RAD9B: variants seen among roughly 807,000 people sequenced by gnomAD.
RAD9B encodes the protein cell cycle checkpoint control protein RAD9B.
RAD9B carries 41 observed loss-of-function variants against 48.3 expected under a neutral mutation model. The ratio of observed to expected loss-of-function variants is 0.85; its 90% CI spans 0.66 to 1.10. The LOEUF (loss-of-function observed/expected upper bound fraction) is 1.10, where lower values mean the gene tolerates loss of function less well. Among genes scored for constraint, RAD9B ranks in the 50% least tolerant of loss-of-function variants. The pLI is 0.00. For missense variants in RAD9B, 444 were observed against 485.1 expected (o/e 0.92, Z 0.80); for synonymous variants, 160 against 157.9 (o/e 1.01, Z -0.10).
chr12:110,503,326 T>A (rs1035710537), intron 1 of RAD9B: 4 of 158,948 alleles, frequency 2.5e-5, no homozygotes, highest in Admixed American at 2.4e-4. Flanking sequence ...AAATGTGTTC[T>A]GTGGTGGGGA....
At chr12:110,520,012 GA>G (rs2063726888) in intron 9 of RAD9B, 96 bp downstream of exon 9, 1 of 1,363,712 alleles carries the variant, frequency 7.3e-7, no homozygotes. Flanking sequence ...AACAATTGAG[GA>G]GTGAAATATT....
chr12:110,521,962 T>C (rs2063799681), intron 9 of RAD9B, among the ~76,000 whole-genome samples: 2 of 152,218 alleles, frequency 1.3e-5, no homozygotes, highest in South Asian at 4.1e-4. Flanking sequence ...CAAGATATTC[T>C]ATGCACAATG....
intron 6 of RAD9B, 94 bp from the exon 7 acceptor site, chr12:110,518,582 G>A: frequency 2.7e-6 from 2 of 736,946 alleles, no homozygotes; most frequent in Non-Finnish European, 4.4e-6. Context: ...AGGAGGAAAT[G>A]GGATGGGATT....
chr12:110,513,787 G>T (rs2063533120), intron 5 of RAD9B, among the ~76,000 whole-genome samples: 1 of 151,062 alleles, frequency 6.6e-6, no homozygotes, highest in African/African-American at 2.4e-5. Flanking sequence ...GCAGTGATGT[G>T]ATCTTGGCTC....
At chr12:110,509,577 G>C (rs2063399765) in intron 4 of RAD9B, among the ~76,000 whole-genome samples, 1 of 152,174 alleles carries the variant, frequency 6.6e-6, no homozygotes, top group African/African-American at 2.4e-5. Context: ...CCCAGCCTGG[G>C]ATGGCAGTCT....
intron 4 of RAD9B, among the ~76,000 whole-genome samples, chr12:110,511,828 C>G (rs2063468063): frequency 6.6e-6 from 1 of 152,142 alleles, no homozygotes; most frequent in African/African-American, 2.4e-5. Context: ...AACAAAATAT[C>G]TGTCACATGT....
rs756067932 is a variant in RAD9B, at chr12:110,505,674, C to T, written c.175C>T (p.Pro59Ser). Residue 59 changes from proline to serine, a missense_variant, in exon 3 of 11, where the codon CCT (proline) becomes TCT (serine). Coordinates refer to ENST00000409300, the MANE Select transcript of RAD9B (RefSeq NM_001286535.2). ...AGCATATGGATGTGTCCTGTTCTCT[C>T]CTGTGTTTTTTCAGCATTATCAATG... ...RSAYGCVLFS[P>S]VFFQHYQWSA... 2 of 1,590,362 alleles carry T rather than the reference C, an allele frequency of 1.3e-6. No homozygotes were observed. Among genetic ancestry groups the T allele is most frequent in the African/African-American group, 2.7e-5 (2 of 74,502 alleles).
intron 4 of RAD9B, among the ~76,000 whole-genome samples, chr12:110,510,473 A>G (rs1384481444): frequency 6.6e-6 from 1 of 152,140 alleles, no homozygotes; most frequent in East Asian, 1.9e-4. Flanking sequence ...GTGAGTTCCG[A>G]GCTGAGTCCT....
chr12:110,522,546 G>A, intron 10 of RAD9B, 135 bp downstream of exon 10: 3 of 655,110 alleles, frequency 4.6e-6, no homozygotes, highest in Non-Finnish European at 5.3e-6. Flanking sequence ...GAAAAGTGAA[G>A]CTAGTCTGAA....
Position 110,505,699 on chromosome 12 carries a change from G to A in RAD9B, c.200G>A (p.Trp67Ter), listed in dbSNP as rs1172657200. The A allele has an allele frequency of 6.2e-7, 1 of 1,604,710 alleles. No individual in the cohort carries two copies. The highest frequency in any genetic ancestry group is 1.3e-5 in the African/African-American group (1 of 74,882). Residue 67 changes from tryptophan (W) to a stop codon, truncating the protein, a stop_gained, in exon 3 of 11, where the codon TGG becomes TAG. Transcript: ENST00000409300. LOFTEE classifies it high-confidence loss of function. Reference sequence around the variant, plus strand: ...CCTGTGTTTTTTCAGCATTATCAATGGTCAGCTTTAGTGAAAATGAGTGAA... The same window carrying A: ...CCTGTGTTTTTTCAGCATTATCAATAGTCAGCTTTAGTGAAAATGAGTGAA... Reference protein sequence around the residue: ...FSPVFFQHYQWSALVKMSENE... With the variant: ...FSPVFFQHYQ
intron 4 of RAD9B, among the ~76,000 whole-genome samples, chr12:110,507,528 TTA>T: frequency 2.7e-5 from 1 of 37,060 alleles, no homozygotes; most frequent in South Asian, 1.6e-3. Context: ...AATATATGTA[TTA>T]AATATAATAC....
At chr12:110,503,941 G>T (rs762354078) in intron 2 of RAD9B, 65 bp downstream of exon 2, 10 of 939,488 alleles carry the variant, frequency 1.1e-5, no homozygotes, top group Non-Finnish European at 1.4e-5. Context: ...TCCCAGTCCA[G>T]ATTGAATGTT....
intron 4 of RAD9B, among the ~76,000 whole-genome samples, chr12:110,509,449 A>G (rs572148620): frequency 6.6e-6 from 1 of 152,088 alleles, no homozygotes; most frequent in African/African-American, 2.4e-5. Flanking sequence ...TTTTAAAAAA[A>G]TTTTAATAGA....
chr12:110,529,829 A>G (rs1386789952), intron 10 of RAD9B, among the ~76,000 whole-genome samples: 1 of 152,196 alleles, frequency 6.6e-6, no homozygotes, highest in Non-Finnish European at 1.5e-5. Flanking sequence ...TAGGGAGGAA[A>G]GGACTGGCTT....
rs2063244602 is a variant in RAD9B, at chr12:110,505,761, T to C, written c.262T>C (p.Leu88=). Residue 88 remains leucine (L), a synonymous_variant, in exon 3 of 11, where the codon TTG becomes CTG. Coordinates refer to ENST00000409300, the MANE Select transcript of RAD9B (RefSeq NM_001286535.2). ...LDTTLHLKCK[L]GMKSILPIFR... ...CACAACACTGCATTTAAAATGCAAA[T>C]TGGGAATGAAGGTAAATATAAGTGG... The C allele has an allele frequency of 1.2e-6, 2 of 1,612,054 alleles. No homozygotes were observed. The highest frequency in any genetic ancestry group is 1.3e-5 in the African/African-American group (1 of 74,890).
chr12:110,526,907 T>C (rs1159989228), intron 10 of RAD9B, among the ~76,000 whole-genome samples: 1 of 124,944 alleles, frequency 8.0e-6, no homozygotes, highest in African/African-American at 3.1e-5. Context: ...AGACTCCATC[T>C]CAAAAAAAAA....
At chr12:110,522,119 T>C in intron 9 of RAD9B, 58 bp from the exon 10 acceptor site, 1 of 1,116,046 alleles carries the variant, frequency 9.0e-7, no homozygotes. Flanking sequence ...CCATTAGTTA[T>C]ATAAAAATAT....
At chr12:110,513,726 TATTA>T (rs2063529854) in intron 5 of RAD9B, among the ~76,000 whole-genome samples, 2 of 144,824 alleles carry the variant, frequency 1.4e-5, no homozygotes, top group South Asian at 4.3e-4. Context: ...TTATTATTAT[TATTA>T]TTATTATTTT....
At chr12:110,526,710 C>T (rs1257645882) in intron 10 of RAD9B, among the ~76,000 whole-genome samples, 1 of 151,740 alleles carries the variant, frequency 6.6e-6, no homozygotes, top group African/African-American at 2.4e-5. Flanking sequence ...GAGATCAAGA[C>T]CATCCTAGCT....
Sources: allele counts gnomAD v4.1 joint callset (sites outside exome capture counted in the v4.1 genomes callset), GRCh38; gene constraint gnomAD v4.1.1; transcripts MANE v1.5; gene names NCBI Gene and HGNC (gene_info 2026-07-23, HGNC 2026-07-21).